Variants in PTPRT observed in about 807,000 individuals in gnomAD.
PTPRT encodes the protein receptor-type tyrosine-protein phosphatase T.
A neutral mutation model predicts 176.8 loss-of-function variants in PTPRT; 56 were observed. That is an observed-to-expected ratio of 0.32 (90% CI 0.26 to 0.40). PTPRT has a LOEUF of 0.40. PTPRT is among the 10% of genes least tolerant of loss of function. The pLI is 1.00. For synonymous variants in PTPRT, 783 were observed against 739.0 expected (o/e 1.06, Z -0.96); for missense variants, 1,540 against 1,908.2 (o/e 0.81, Z 3.60).
At chr20:42,219,185 A>G (rs1440750701) in intron 15 of PTPRT, among the ~76,000 whole-genome samples, 1 of 152,174 alleles carries the variant, frequency 6.6e-6, no homozygotes, top group Non-Finnish European at 1.5e-5. Flanking sequence ...CCAGCCTCCT[A>G]AAGAAAAGCA....
chr20:42,667,700 C>T (rs931120719), intron 7 of PTPRT, among the ~76,000 whole-genome samples: 1 of 152,144 alleles, frequency 6.6e-6, no homozygotes, highest in Non-Finnish European at 1.5e-5. Flanking sequence ...TTGCTTGCTG[C>T]TTGCGGAGTT....
At chr20:42,257,643 ACCCCCCC>A (rs59872515) in intron 13 of PTPRT, among the ~76,000 whole-genome samples, 7 of 19,246 alleles carry the variant, frequency 3.6e-4, no homozygotes, top group African/African-American at 2.8e-3. Flanking sequence ...ACCTCCCCCC[ACCCCCCC>A]CCCCCCGCCC....
chr20:42,643,639 T>C (rs937186705), intron 7 of PTPRT, among the ~76,000 whole-genome samples: 2 of 151,962 alleles, frequency 1.3e-5, no homozygotes. Context: ...AAGATGAAAA[T>C]ATAAGGTGCA....
chr20:43,164,313 T>A (rs1292309799), intron 1 of PTPRT, among the ~76,000 whole-genome samples: 1 of 152,244 alleles, frequency 6.6e-6, no homozygotes, highest in African/African-American at 2.4e-5. Flanking sequence ...ACATGCCAGG[T>A]GCTTTCTAGG....
the PTPRT span, among the ~76,000 whole-genome samples, chr20:42,062,371 G>T: frequency 6.6e-6 from 1 of 152,186 alleles, no homozygotes; most frequent in Admixed American, 6.5e-5. Flanking sequence ...GAGGCCTAGA[G>T]TTCTCTTGGA....
At chr20:42,716,223 A>G (rs1209202799) in intron 6 of PTPRT, among the ~76,000 whole-genome samples, 1 of 152,152 alleles carries the variant, frequency 6.6e-6, no homozygotes, top group Non-Finnish European at 1.5e-5. Context: ...TGTGAGCAAA[A>G]AAATAATTGC....
intron 13 of PTPRT, among the ~76,000 whole-genome samples, chr20:42,269,679 G>A (rs143323906): frequency 7.2e-5 from 11 of 152,288 alleles, no homozygotes; most frequent in Middle Eastern, 3.4e-3. Flanking sequence ...TGGACTGGGC[G>A]TACCCATGGC....
chr20:42,933,630 C>A (rs1428992696), intron 1 of PTPRT, among the ~76,000 whole-genome samples: 2 of 152,190 alleles, frequency 1.3e-5, no homozygotes, highest in East Asian at 3.9e-4. Flanking sequence ...GACAAGATGT[C>A]TCTTTGAATT....
chr20:42,922,600 T>C (rs1290809919), intron 1 of PTPRT, among the ~76,000 whole-genome samples: 1 of 152,212 alleles, frequency 6.6e-6, no homozygotes, highest in Non-Finnish European at 1.5e-5. Flanking sequence ...TAGGTTTCCT[T>C]AGTCTTGCCC....
intron 3 of PTPRT, among the ~76,000 whole-genome samples, chr20:42,785,340 T>C (rs116562424): frequency 6.6e-6 from 1 of 152,334 alleles, no homozygotes; most frequent in African/African-American, 2.4e-5. Flanking sequence ...AATACGACTT[T>C]AATAAATTAA....
At position 42,931,235 on chromosome 20, in the gene PTPRT, G is replaced by A. The variant is rs539813930; in HGVS notation, c.89-45303C>T. 8.5e-5 allele frequency among the ~76,000 whole-genome samples: 13 copies of A among 152,292 alleles called. No homozygotes were observed. The East Asian group carries it at 1.9e-3, about 23-fold the overall frequency. On this transcript the variant is annotated intron_variant, in intron 1 of 30. Coordinates refer to ENST00000373187, the MANE Select transcript of PTPRT (RefSeq NM_007050.6). ...AAGCTCTTAAAAGGTAATTAAGGTT[G>A]AATGAAGTCATAAGGGTGGGGTCCT...
chr20:42,126,028 G>T (rs866976702), intron 19 of PTPRT, among the ~76,000 whole-genome samples: 19 of 151,510 alleles, frequency 1.3e-4, no homozygotes, highest in Admixed American at 9.2e-4. Context: ...CTGGGAGTGG[G>T]GGGGGGGAGG....
intron 1 of PTPRT, among the ~76,000 whole-genome samples, chr20:42,996,771 A>G (rs185671280): frequency 6.6e-5 from 10 of 152,338 alleles, no homozygotes; most frequent in Middle Eastern, 3.4e-3. Flanking sequence ...GTTTGAATCT[A>G]AGCTTTGACA....
At chr20:43,082,219 G>C (rs1316462244) in intron 1 of PTPRT, among the ~76,000 whole-genome samples, 1 of 152,100 alleles carries the variant, frequency 6.6e-6, no homozygotes, top group Non-Finnish European at 1.5e-5. Flanking sequence ...TAATCAGTGA[G>C]ATTAACCATT....
chr20:43,126,851 T>C (rs1025065937), intron 1 of PTPRT, among the ~76,000 whole-genome samples: 3 of 152,134 alleles, frequency 2.0e-5, no homozygotes, highest in African/African-American at 7.2e-5. Context: ...CCAGGAGTAG[T>C]AAACATCCAT....
At chr20:42,959,267 T>C (rs1259163454) in intron 1 of PTPRT, among the ~76,000 whole-genome samples, 1 of 152,160 alleles carries the variant, frequency 6.6e-6, no homozygotes. Context: ...GAATACTACC[T>C]GGTTCATAGA....
At chr20:42,053,184 G>A in the PTPRT span, among the ~76,000 whole-genome samples, 1 of 152,176 alleles carries the variant, frequency 6.6e-6, no homozygotes, top group Non-Finnish European at 1.5e-5. Flanking sequence ...TTAAAATCCA[G>A]TTTCTGGGTC....
intron 9 of PTPRT, among the ~76,000 whole-genome samples, chr20:42,405,299 G>C (rs74167776): frequency 0.28 from 41,915 of 151,010 alleles, 6,508 homozygotes; most frequent in Admixed American, 0.4. Context: ...CCCATTAACT[G>C]GTCATTTACA....
intron 9 of PTPRT, among the ~76,000 whole-genome samples, chr20:42,419,647 A>T (rs145351383): frequency 4.7e-4 from 71 of 151,790 alleles, no homozygotes; most frequent in African/African-American, 1.7e-3. Context: ...CTCTCCTAGG[A>T]TTTCCTCTCC....
Sources: gnomAD v4.1 joint callset for allele counts (sites outside exome capture counted in the v4.1 genomes callset) on GRCh38, gnomAD v4.1.1 for gene constraint, MANE v1.5 for transcripts, NCBI Gene and HGNC (gene_info 2026-07-23, HGNC 2026-07-21) for gene names.